LEMD2: variants seen among roughly 807,000 people sequenced by gnomAD.
LEMD2 encodes the protein LEM domain nuclear envelope protein 2.
A neutral mutation model predicts 58.8 loss-of-function variants in LEMD2; 34 were observed. The observed-to-expected ratio is 0.58, with a 90% CI of 0.44 to 0.77. LEMD2 has a LOEUF of 0.77. Ranked by LOEUF, LEMD2 falls within the 30% of genes least tolerant of loss-of-function variation. The pLI, the probability that LEMD2 is intolerant of heterozygous loss-of-function variation, is 0.00. For missense variants in LEMD2, 629 were observed against 717.9 expected, an observed-to-expected ratio of 0.88 and a Z score of 1.42; for synonymous variants, 298 against 308.9, an observed-to-expected ratio of 0.96 and a Z score of 0.37.
At chr6:33,787,041 G>A in intron 1 of LEMD2, 1 of 537,652 alleles carries the variant, frequency 1.9e-6, no homozygotes, top group South Asian at 2.9e-5. Flanking sequence ...CAACCACTCT[G>A]AACCTCTGTC....
At position 33,771,833 on chromosome 6, in the gene LEMD2, G is replaced by C. The variant is rs1035630723; in HGVS notation, c.*795C>G. 1.3e-5 allele frequency: 2 copies of C among 152,324 alleles called. No individual in the cohort carries two copies. Among genetic ancestry groups the C allele is most frequent in the African/African-American group, 4.8e-5 (2 of 41,472 alleles). The allele number at this position is 152,324 out of a possible 1,614,324, so 9.4% of individuals were successfully genotyped here. A position where few individuals can be genotyped will look rare whatever the true frequency, so the allele number is the denominator to read the frequency against. The stretch of plus-strand genomic sequence containing the variant: ...CGATCTTCGCACACAGCAAGTGCGA[G>C]GCTCTGGGCCCTGACGCAGGGCTCC... On this transcript the variant is annotated 3_prime_UTR_variant, in exon 9 of 9. Transcript: ENST00000293760.
rs1374397960 is a variant in LEMD2, at chr6:33,788,803, CCGTAGGCCCCAGGGGTCG to C, written c.296_313del (p.Ala99_Tyr104del). ...GGAAGCCGCGGAGGGCCGGATATCA[CCGTAGGCCCCAGGGGTCG>C]CGTAGGCCGAGCCCGAGGCCGGCTG... On this transcript the variant is annotated inframe_deletion, in exon 1 of 9. Coordinates refer to ENST00000293760, the MANE Select transcript of LEMD2 (RefSeq NM_181336.4). 30 of 1,449,894 alleles carry C rather than the reference CCGTAGGCCCCAGGGGTCG, an allele frequency of 2.1e-5. No homozygotes were observed. The highest frequency in any genetic ancestry group is 2.3e-5 in the Non-Finnish European group (25 of 1,103,126). 89.8% of individuals were successfully genotyped at this position (1,449,894 alleles called of 1,614,324 possible). A position where few individuals can be genotyped will look rare whatever the true frequency, so the allele number is the denominator to read the frequency against.
In LEMD2 at chr6:33,778,366, A is replaced by T. The variant is rs903917824; in HGVS notation, c.1032T>A (p.Ser344=). The T allele has an allele frequency of 3.2e-6, 5 of 1,576,862 alleles. No homozygotes were observed. The African/African-American group carries it at 6.8e-5, about 21-fold the overall frequency. ...VGIWLKGEDQ[S]ELVTTVDKVV... is the part of the protein sequence containing the mutation. ...CCTTGTCCACAGTCGTCACCAATTCAGACTGGTCTTCTCCTTTCAACCTGA... is the reference window on the plus strand; with the variant it reads ...CCTTGTCCACAGTCGTCACCAATTCTGACTGGTCTTCTCCTTTCAACCTGA... The change falls in exon 6 of 9, where the codon TCT becomes TCA. Residue 344 remains serine (S), a synonymous_variant. Coordinates refer to ENST00000293760, the MANE Select transcript of LEMD2 (RefSeq NM_181336.4). This position sits in a 1 kb window ranked among gnomAD's most constrained non-coding sequence, Gnocchi z 4.7.
At chr6:33,776,637 T>A (rs1373654234) in intron 8 of LEMD2, 1 of 381,682 alleles carries the variant, frequency 2.6e-6, no homozygotes, top group Non-Finnish European at 5.0e-6. Context: ...ACTGAGGAGA[T>A]CCTTCACTAC....
intron 8 of LEMD2, among the ~76,000 whole-genome samples, chr6:33,773,549 G>C (rs1465230131): frequency 2.0e-5 from 3 of 151,452 alleles, no homozygotes; most frequent in Non-Finnish European, 4.4e-5. Flanking sequence ...GTACGCATGG[G>C]AGCAGAAGGG....
chr6:33,786,582 G>T (rs543205582), intron 2 of LEMD2, 152 bp downstream of exon 2: 57 of 653,898 alleles, frequency 8.7e-5, no homozygotes, highest in Non-Finnish European at 1.4e-4. Flanking sequence ...AATTGAGCCT[G>T]ACAAGAACAT....
chr6:33,783,572 C>T (rs756941174), intron 3 of LEMD2, among the ~76,000 whole-genome samples: 23 of 152,212 alleles, frequency 1.5e-4, no homozygotes, highest in Non-Finnish European at 3.2e-4. Flanking sequence ...TGATATTCAC[C>T]TATGTCAACT....
At chr6:33,782,665 C>T (rs539709239) in intron 3 of LEMD2, among the ~76,000 whole-genome samples, 2 of 152,366 alleles carry the variant, frequency 1.3e-5, no homozygotes, top group African/African-American at 4.8e-5. Flanking sequence ...CTTGTCTAAT[C>T]ACATTTTATA....
chr6:33,787,542 T>G (rs150770707), intron 1 of LEMD2, among the ~76,000 whole-genome samples: 2 of 152,248 alleles, frequency 1.3e-5, no homozygotes, highest in African/African-American at 4.8e-5. Context: ...CTGGGAACAG[T>G]ATTAGTCACA....
intron 3 of LEMD2, among the ~76,000 whole-genome samples, chr6:33,782,594 G>A (rs1215668236): frequency 1.3e-5 from 2 of 152,210 alleles, no homozygotes; most frequent in Non-Finnish European, 2.9e-5. Context: ...CTCCTGTGAC[G>A]CTCTCCTGAC....
rs771356660 is a variant in LEMD2 at position 33,789,066 on chromosome 6, G to A, written c.51C>T (p.Gly17=). Residue 17 remains glycine (G), a synonymous_variant, in exon 1 of 9, where the codon GGC becomes GGT. Transcript: ENST00000293760. ...TGTCGGTGATGGGTCCTGGCTGGAA[G>A]CCCAGGGCCTGCAGCTCCCGCCGCA... is the stretch of plus-strand genomic sequence containing the variant. ...LELRRELQAL[G]FQPGPITDTT... is the part of the protein sequence containing the mutation. 1.3e-6 allele frequency: 2 copies of A among 1,547,998 alleles called. No individual in the cohort carries two copies. Among genetic ancestry groups the A allele is most frequent in the East Asian group, 2.7e-5 (1 of 37,594 alleles).
At position 33,777,105 on chromosome 6, in the gene LEMD2, C is replaced by G. The variant is rs2296747; in HGVS notation, c.1258+33G>C. ...AGGGCAAGGACCCTCTGGCTGGCGT[C>G]GGCAACCCTTTATTCACCAGGGGGC... On this transcript the variant is annotated intron_variant, in intron 7 of 8. Transcript: ENST00000293760. 0.39 allele frequency: 635,703 copies of G among 1,610,032 alleles called. 131,112 individuals are homozygous for G. The highest frequency in any genetic ancestry group is 0.74 in the East Asian group (33,201 of 44,838).
intron 2 of LEMD2, among the ~76,000 whole-genome samples, chr6:33,786,210 C>CTTCCCCAAGTATTATTTGTAGGGA (rs6149526): frequency 1.3e-3 from 197 of 152,142 alleles, no homozygotes; most frequent in Non-Finnish European, 2.2e-3. Context: ...GGCTGCTCGC[C>CTTCCCCAAGTATTATTTGTAGGGA]ATATTAGAGC....
rs2127384666 is a variant in LEMD2 at position 33,789,044 on chromosome 6, C to A, written c.73G>T (p.Asp25Tyr). 1 of 1,557,204 alleles carries A rather than the reference C, an allele frequency of 6.4e-7. No individual in the cohort carries two copies. Among genetic ancestry groups the A allele is most frequent in the South Asian group, 1.2e-5 (1 of 86,286 alleles). ...ALGFQPGPIT[D>Y]TTRDVYRNKL... ...TTGCGGTAGACATCCCGGGTGGTGT[C>A]GGTGATGGGTCCTGGCTGGAAGCCC... The change falls in exon 1 of 9, where the codon GAC becomes TAC. Residue 25 changes from aspartate (D) to tyrosine (Y), a missense_variant. Physicochemically the swap from Asp to Tyr is radical, Grantham distance 160. Around this residue, in one of 2 missense-constraint regions of LEMD2, gnomAD observed 386 missense variants for 381.1 expected, o/e 1.01. Coordinates refer to ENST00000293760, the MANE Select transcript of LEMD2 (RefSeq NM_181336.4).
chr6:33,787,016 G>C, intron 1 of LEMD2: 1 of 836,178 alleles, frequency 1.2e-6, no homozygotes, highest in Non-Finnish European at 1.7e-6. Flanking sequence ...ATTAGCTCAA[G>C]TTTCTTGGGC....
intron 2 of LEMD2, 154 bp from the exon 3 acceptor site, chr6:33,784,581 G>A: frequency 3.3e-6 from 2 of 603,112 alleles, no homozygotes; most frequent in South Asian, 3.9e-5. Context: ...CAAGTGCTGG[G>A]CCTAGGGAGA....
At chr6:33,776,389 G>A (rs1459035415) in intron 8 of LEMD2, among the ~76,000 whole-genome samples, 1 of 152,180 alleles carries the variant, frequency 6.6e-6, no homozygotes, top group Admixed American at 6.5e-5. Context: ...GGAGGCTACT[G>A]GGAACATGTT....
chr6:33,776,434 C>A (rs1353415750), intron 8 of LEMD2, among the ~76,000 whole-genome samples: 1 of 152,056 alleles, frequency 6.6e-6, no homozygotes, highest in Non-Finnish European at 1.5e-5. Flanking sequence ...GCCTACTTTT[C>A]CCCTGCTGGC....
chr6:33,788,883 G>A lies in LEMD2; in HGVS notation c.234C>T (p.Pro78=). 1 of 1,376,148 alleles carries A rather than the reference G, an allele frequency of 7.3e-7. No individual in the cohort carries two copies. The highest frequency in any genetic ancestry group is 1.5e-5 in the African/African-American group (1 of 65,444). 85.2% of individuals were successfully genotyped at this position (1,376,148 alleles called of 1,614,324 possible). A position where few individuals can be genotyped will look rare whatever the true frequency, so the allele number is the denominator to read the frequency against. ...LREDAPLRAR[P]AAASPRAEPW... Reference sequence around the variant, plus strand: ...GCTCCGCCCGCGGAGAGGCCGCGGCGGGCCGGGCGCGCAGCGGCGCATCCT... The same window carrying A: ...GCTCCGCCCGCGGAGAGGCCGCGGCAGGCCGGGCGCGCAGCGGCGCATCCT... The change falls in exon 1 of 9, where the codon CCC becomes CCT. Residue 78 remains proline (P), a synonymous_variant. Transcript: ENST00000293760.
Sources: allele counts gnomAD v4.1 joint callset (sites outside exome capture counted in the v4.1 genomes callset), GRCh38; gene constraint gnomAD v4.1.1; regional missense constraint gnomAD v4.1.1; non-coding constraint Gnocchi (gnomAD v3.1); transcripts MANE v1.5; gene names NCBI Gene and HGNC (gene_info 2026-07-23, HGNC 2026-07-21).